The following FMN2 variants were observed in gnomAD, a reference collection of about 807,000 sequenced individuals.
The protein encoded by FMN2 is formin 2, also known as formin-2.
FMN2 carries 51 observed loss-of-function variants against 142.3 expected under a neutral mutation model. The ratio of observed to expected loss-of-function variants is 0.36; its 90% CI spans 0.29 to 0.45. The LOEUF is 0.45. Ranked by LOEUF, FMN2 falls within the 20% of genes least tolerant of loss-of-function variation. FMN2 has a pLI of 1.00. For synonymous variants in FMN2, 882 were observed against 869.8 expected, an observed-to-expected ratio of 1.01 and a Z score of -0.25; for missense variants, 1,936 against 2,122.8, an observed-to-expected ratio of 0.91 and a Z score of 1.73.
intron 8 of FMN2, among the ~76,000 whole-genome samples, chr1:240,307,716 ATTG>A (rs1384769842): frequency 6.6e-6 from 1 of 152,174 alleles, no homozygotes; most frequent in African/African-American, 2.4e-5. Flanking sequence ...TGCCTTGGCT[ATTG>A]GGGCTCTTTT....
chr1:240,343,360 C>T (rs1387495721), intron 13 of FMN2, among the ~76,000 whole-genome samples: 1 of 152,172 alleles, frequency 6.6e-6, no homozygotes, highest in Non-Finnish European at 1.5e-5. Context: ...AAATGCTCTA[C>T]AAAAAGTCAC....
At chr1:240,181,437 G>A (rs1180917570) in intron 3 of FMN2, among the ~76,000 whole-genome samples, 7 of 152,230 alleles carry the variant, frequency 4.6e-5, no homozygotes, top group East Asian at 1.9e-4. Flanking sequence ...ACTTTTTCAC[G>A]ATCTGTTCTG....
rs528323252 is a variant in FMN2 at position 240,315,059 on chromosome 1, G to A, written c.4216-14017G>A. On this transcript the variant is annotated intron_variant, in intron 8 of 17. Transcript: ENST00000319653. Reference sequence around the variant, plus strand: ...AAGCATTAGGGAAATGGTGCAGTTGGCTAGCAACCCCAGTAAATTTTGCCA... The same window carrying A: ...AAGCATTAGGGAAATGGTGCAGTTGACTAGCAACCCCAGTAAATTTTGCCA... Among the ~76,000 whole-genome samples, 4 of 152,262 alleles carry A rather than the reference G, an allele frequency of 2.6e-5. No individual in the cohort carries two copies. In the South Asian group the frequency reaches 8.3e-4, roughly 32 times the overall value.
rs527369110 is a variant in FMN2 at position 240,378,808 on chromosome 1, T to C, written c.4859-13703T>C. Among the ~76,000 whole-genome samples, 10 of 152,310 alleles carry C rather than the reference T, an allele frequency of 6.6e-5. No individual in the cohort carries two copies. In the South Asian group the frequency reaches 2.1e-3, roughly 32 times the overall value. Reference sequence around the variant, plus strand: ...TTTAACTTTACAAGTTCCACTGAGTTCTTTTGTTTATATCATCCATTTTCT... The same window carrying C: ...TTTAACTTTACAAGTTCCACTGAGTCCTTTTGTTTATATCATCCATTTTCT... On this transcript the variant is annotated intron_variant, in intron 14 of 17. Coordinates refer to ENST00000319653, the MANE Select transcript of FMN2 (RefSeq NM_020066.5).
At chr1:240,170,717 C>CTG in intron 2 of FMN2, 1 of 1,538,834 alleles carries the variant, frequency 6.5e-7, no homozygotes, top group African/African-American at 1.4e-5. Context: ...TATGGTGCTG[C>CTG]TGTGAACACT....
At chr1:240,400,797 C>T (rs561655979) in intron 15 of FMN2, 1 of 152,006 alleles carries the variant, frequency 6.6e-6, no homozygotes, top group Non-Finnish European at 1.5e-5. Context: ...TTACTTCCCC[C>T]CGACCACCAC....
chr1:240,397,777 C>A, intron 15 of FMN2, among the ~76,000 whole-genome samples: 1 of 109,202 alleles, frequency 9.2e-6, no homozygotes, highest in Non-Finnish European at 1.8e-5. Context: ...GCAACATAGA[C>A]TCCTTCTCAA....
chr1:240,454,593 C>T (rs1342673215), intron 16 of FMN2, among the ~76,000 whole-genome samples: 1 of 152,122 alleles, frequency 6.6e-6, no homozygotes, highest in Admixed American at 6.6e-5. Flanking sequence ...TTATAGATCT[C>T]CTATTTATAG....
At chr1:240,254,796 C>T (rs911275103) in intron 6 of FMN2, among the ~76,000 whole-genome samples, 2 of 152,088 alleles carry the variant, frequency 1.3e-5, no homozygotes, top group African/African-American at 4.8e-5. Flanking sequence ...GTGCTTTGGC[C>T]CTGGCTGCGG....
chr1:240,336,997 T>C (rs779472275), intron 13 of FMN2, among the ~76,000 whole-genome samples: 14 of 151,968 alleles, frequency 9.2e-5, no homozygotes, highest in African/African-American at 1.4e-4. Flanking sequence ...AAAAAAGATA[T>C]ACCCAAATGT....
At chr1:240,293,770 G>C (rs1457886350) in intron 7 of FMN2, among the ~76,000 whole-genome samples, 1 of 151,904 alleles carries the variant, frequency 6.6e-6, no homozygotes, top group Non-Finnish European at 1.5e-5. Flanking sequence ...AATATTTTTT[G>C]GTGAATCTGG....
intron 8 of FMN2, among the ~76,000 whole-genome samples, chr1:240,320,752 C>T (rs555393004): frequency 6.6e-6 from 1 of 152,190 alleles, no homozygotes; most frequent in Admixed American, 6.5e-5. Flanking sequence ...CCGTGGATGC[C>T]CAGGGATTCC....
chr1:240,123,505 CA>C (rs71168901), intron 2 of FMN2, among the ~76,000 whole-genome samples, 160 bp downstream of exon 2: 197 of 107,770 alleles, frequency 1.8e-3, no homozygotes, highest in East Asian at 5.4e-3. Context: ...TGTTTGTACA[CA>C]AAAAAAAAAA....
At chr1:240,405,587 C>CA (rs778063749) in intron 15 of FMN2, among the ~76,000 whole-genome samples, 1 of 150,512 alleles carries the variant, frequency 6.6e-6, no homozygotes, top group Non-Finnish European at 1.5e-5. Context: ...CACTGCACTC[C>CA]AGCCTGGGCG....
chr1:240,126,291 C>T (rs1380270278), intron 2 of FMN2, among the ~76,000 whole-genome samples: 1 of 152,080 alleles, frequency 6.6e-6, no homozygotes, highest in African/African-American at 2.4e-5. Flanking sequence ...ACTAACAATC[C>T]TCTTGAGGTC....
chr1:240,232,312 G>A (rs748430288), intron 6 of FMN2, among the ~76,000 whole-genome samples: 1 of 144,026 alleles, frequency 6.9e-6, no homozygotes, highest in Non-Finnish European at 1.5e-5. Flanking sequence ...GGATGGTCTC[G>A]ATCTCCTGAC....
At chr1:240,295,600 T>A (rs1356105463) in intron 8 of FMN2, among the ~76,000 whole-genome samples, 4 of 152,324 alleles carry the variant, frequency 2.6e-5, no homozygotes, top group Non-Finnish European at 5.9e-5. Flanking sequence ...CAGGATTGCT[T>A]TCTTTTTTAT....
chr1:240,437,732 G>T (rs899440835), intron 15 of FMN2, among the ~76,000 whole-genome samples: 1 of 152,184 alleles, frequency 6.6e-6, no homozygotes, highest in Non-Finnish European at 1.5e-5. Context: ...GGTTTAGAAA[G>T]AAAGTATAGG....
At chr1:240,306,274 A>T (rs573564299) in intron 8 of FMN2, among the ~76,000 whole-genome samples, 3 of 152,146 alleles carry the variant, frequency 2.0e-5, no homozygotes, top group Admixed American at 6.5e-5. Flanking sequence ...TTCTTTTTTT[A>T]AAATCCATTT....
Sources: allele counts gnomAD v4.1 joint callset (sites outside exome capture counted in the v4.1 genomes callset), GRCh38; gene constraint gnomAD v4.1.1; transcripts MANE v1.5; gene names NCBI Gene and HGNC (gene_info 2026-07-23, HGNC 2026-07-21).